OR3A2: variants seen among roughly 807,000 people sequenced by gnomAD.
OR3A2 encodes olfactory receptor family 3 subfamily A member 2, also known as olfactory receptor 3A2.
For synonymous variants in OR3A2, 126 were observed against 159.3 expected (o/e 0.79, Z 1.57); for missense variants, 318 against 392.8 (o/e 0.81, Z 1.61).
At chr17:3,361,408 C>A (rs2150659425) in intron 2 of OR3A2, among the ~76,000 whole-genome samples, 1 of 151,740 alleles carries the variant, frequency 6.6e-6, no homozygotes, top group East Asian at 1.9e-4. Context: ...TGCTTTATTT[C>A]TTTCTCTTAC....
chr17:3,279,735 C>A (rs1043604784), intron 1 of OR3A2, among the ~76,000 whole-genome samples: 1 of 152,104 alleles, frequency 6.6e-6, no homozygotes, highest in African/African-American at 2.4e-5. Context: ...TTGCAGTGAG[C>A]CAAGACTGCA....
intron 2 of OR3A2, among the ~76,000 whole-genome samples, chr17:3,351,089 CA>C (rs1164870378): frequency 6.6e-6 from 1 of 151,126 alleles, no homozygotes; most frequent in East Asian, 1.9e-4. Flanking sequence ...ACTGAATGGG[CA>C]AAAGCTGGAA....
At chr17:3,306,417 A>T (rs982933647) in intron 3 of OR3A2, among the ~76,000 whole-genome samples, 1 of 152,094 alleles carries the variant, frequency 6.6e-6, no homozygotes, top group African/African-American at 2.4e-5. Flanking sequence ...TGTTGGGATT[A>T]GAGGCACAAG....
intron 2 of OR3A2, among the ~76,000 whole-genome samples, chr17:3,378,095 T>C (rs2049699583): frequency 6.6e-6 from 1 of 152,178 alleles, no homozygotes; most frequent in Non-Finnish European, 1.5e-5. Flanking sequence ...GCCCCCAGGC[T>C]TCAGGCCATC....
chr17:3,333,812 C>T lies in OR3A2; in HGVS notation c.-85+2221G>A, dbSNP rs927336456. The stretch of plus-strand genomic sequence containing the variant: ...CAAGATAAACTATCATCAGAGTGAA[C>T]AGACAACCTACAGAATGGGAGAAAA... On this transcript the variant is annotated intron_variant, in intron 3 of 4. Transcript: ENST00000573491. Among the ~76,000 whole-genome samples, 4 of 152,066 alleles carry T rather than the reference C, an allele frequency of 2.6e-5. No homozygotes were observed. In the East Asian group the frequency reaches 7.7e-4, roughly 29 times the overall value.
intron 2 of OR3A2, among the ~76,000 whole-genome samples, chr17:3,377,304 A>G (rs1484781574): frequency 1.3e-5 from 2 of 152,242 alleles, no homozygotes; most frequent in Non-Finnish European, 2.9e-5. Context: ...AATGAAAATA[A>G]TAATGCCCTA....
At position 3,310,730 on chromosome 17, in the gene OR3A2, C is replaced by G. The variant is rs767371653; in HGVS notation, c.-85+25303G>C. ...CCCTCACCTACAGCAGCCGCATGAG[C>G]TGGGGAATCCAGCAAGCCCTGGTGG... On this transcript the variant is annotated intron_variant, in intron 3 of 4. Transcript: ENST00000573491. The G allele has an allele frequency of 2.9e-5, 16 of 548,544 alleles. No homozygotes were observed. The East Asian group carries it at 7.8e-4, about 27-fold the overall frequency. The allele number at this position is 548,544 out of a possible 1,614,324, so 34.0% of individuals were successfully genotyped here.
chr17:3,306,816 C>T (rs570066483), intron 3 of OR3A2, among the ~76,000 whole-genome samples: 1 of 104,668 alleles, frequency 9.6e-6, no homozygotes, highest in East Asian at 2.1e-4. Flanking sequence ...AAATAGAAAA[C>T]AAAAACCACT....
chr17:3,362,932 TG>T (rs1199467249), intron 2 of OR3A2, among the ~76,000 whole-genome samples: 1 of 151,914 alleles, frequency 6.6e-6, no homozygotes, highest in Non-Finnish European at 1.5e-5. Context: ...AGCTGTACCT[TG>T]GCCCCTTTTA....
intron 2 of OR3A2, among the ~76,000 whole-genome samples, chr17:3,365,459 A>C (rs2049554592): frequency 6.6e-6 from 1 of 152,178 alleles, no homozygotes; most frequent in African/African-American, 2.4e-5. Context: ...TGCCCCTTAC[A>C]ATCAGTGCTC....
chr17:3,291,468 A>T, intron 3 of OR3A2: 1 of 580,260 alleles, frequency 1.7e-6, no homozygotes, highest in Non-Finnish European at 3.0e-6. Flanking sequence ...ATTGCTTATA[A>T]TTGGACAGGG....
intron 2 of OR3A2, among the ~76,000 whole-genome samples, chr17:3,372,723 C>G (rs971223992): frequency 2.6e-5 from 4 of 151,870 alleles, no homozygotes; most frequent in African/African-American, 4.8e-5. Flanking sequence ...ACTCGGCAGG[C>G]TGAGGCAGGA....
At chr17:3,297,172 G>C (rs907885336) in intron 3 of OR3A2, among the ~76,000 whole-genome samples, 1 of 152,186 alleles carries the variant, frequency 6.6e-6, no homozygotes, top group African/African-American at 2.4e-5. Context: ...TTTGGGAGAT[G>C]TTGCATAGGG....
At chr17:3,290,814 C>T (rs758393564) in intron 3 of OR3A2, among the ~76,000 whole-genome samples, 2 of 152,104 alleles carry the variant, frequency 1.3e-5, no homozygotes, top group Non-Finnish European at 2.9e-5. Flanking sequence ...GGTTTGGAGA[C>T]TAAGAGTGAG....
intron 1 of OR3A2, among the ~76,000 whole-genome samples, chr17:3,282,439 T>A (rs1238817528): frequency 1.3e-5 from 2 of 152,206 alleles, no homozygotes; most frequent in African/African-American, 4.8e-5. Context: ...CTCTAAAGAC[T>A]GACCCGCAGT....
chr17:3,362,185 T>A lies in OR3A2; in HGVS notation c.-179+21619A>T, dbSNP rs556586034. Among the ~76,000 whole-genome samples, 58 of 151,898 alleles carry A rather than the reference T, an allele frequency of 3.8e-4. 2 individuals are homozygous for A. The South Asian group carries it at 0.011, about 29-fold the overall frequency. On this transcript the variant is annotated intron_variant, in intron 2 of 4. Transcript: ENST00000573491. ...GAGGAATTTATCCATTTCTTCTAGA[T>A]TTTCTAGTTTATTTGCGTAGAGATG...
At chr17:3,323,697 C>T (rs1161540316) in intron 3 of OR3A2, among the ~76,000 whole-genome samples, 1 of 152,144 alleles carries the variant, frequency 6.6e-6, no homozygotes, top group African/African-American at 2.4e-5. Flanking sequence ...CCACTCTCTT[C>T]TGGCTTGTAG....
chr17:3,307,663 G>T (rs1387967617), intron 3 of OR3A2, among the ~76,000 whole-genome samples: 1 of 152,188 alleles, frequency 6.6e-6, no homozygotes. Context: ...ACAGGTTCTA[G>T]ATTACACTGT....
At chr17:3,333,675 T>C (rs1348009665) in intron 3 of OR3A2, among the ~76,000 whole-genome samples, 1 of 152,102 alleles carries the variant, frequency 6.6e-6, no homozygotes, top group Non-Finnish European at 1.5e-5. Context: ...ATTGAAATAT[T>C]GGGGGCATGT....
Sources: allele counts gnomAD v4.1 joint callset (sites outside exome capture counted in the v4.1 genomes callset), GRCh38; gene constraint gnomAD v4.1.1; transcripts MANE v1.5; gene names NCBI Gene and HGNC (gene_info 2026-07-23, HGNC 2026-07-21).